The following RNF228 variants were observed in gnomAD, a reference collection of about 807,000 sequenced individuals.
The protein encoded by RNF228 is ring finger protein 228.
the RNF228 span, chr2:222,317,389 G>C: frequency 2.0e-5 from 3 of 152,238 alleles, no homozygotes; most frequent in South Asian, 4.1e-4. Context: ...CTCGATTCAA[G>C]TTCAATTAAT....
At chr2:222,315,275 G>A in the RNF228 span, among the ~76,000 whole-genome samples, 1 of 152,154 alleles carries the variant, frequency 6.6e-6, no homozygotes, top group Non-Finnish European at 1.5e-5. Flanking sequence ...AACTGGTTAA[G>A]GCTTTGCAGA....
At chr2:222,319,233 C>G in the RNF228 span, 1 of 326,548 alleles carries the variant, frequency 3.1e-6, no homozygotes, top group Non-Finnish European at 5.6e-6. The surrounding 1 kb of genome is among the most constrained non-coding windows in gnomAD (Gnocchi z 7.6). Flanking sequence ...CGAGGGCGAC[C>G]CGGTGGCCGG....
At chr2:222,314,751 A>G in the RNF228 span, among the ~76,000 whole-genome samples, 3 of 152,266 alleles carry the variant, frequency 2.0e-5, no homozygotes, top group Non-Finnish European at 4.4e-5. Flanking sequence ...TCTATGAATA[A>G]CGATTTATTA....
At chr2:222,316,428 C>A in the RNF228 span, among the ~76,000 whole-genome samples, 1 of 152,206 alleles carries the variant, frequency 6.6e-6, no homozygotes, top group African/African-American at 2.4e-5. Flanking sequence ...GAAATTTACA[C>A]GTGCAATCTA....
At chr2:222,315,731 C>T in the RNF228 span, among the ~76,000 whole-genome samples, 1 of 152,186 alleles carries the variant, frequency 6.6e-6, no homozygotes, top group Non-Finnish European at 1.5e-5. Context: ...ACACCTCCTG[C>T]CTGCAGATAC....
chr2:222,315,355 TG>T, the RNF228 span, among the ~76,000 whole-genome samples: 1 of 152,134 alleles, frequency 6.6e-6, no homozygotes, highest in African/African-American at 2.4e-5. Flanking sequence ...TGATGAAAAA[TG>T]CAACTGATAA....
At chr2:222,317,707 A>C in the RNF228 span, 1 of 152,218 alleles carries the variant, frequency 6.6e-6, no homozygotes, top group Non-Finnish European at 1.5e-5. Context: ...CAACAATATC[A>C]AACAGCTAAA....
the RNF228 span, among the ~76,000 whole-genome samples, chr2:222,315,252 A>G: frequency 1.2e-4 from 19 of 152,306 alleles, no homozygotes; most frequent in African/African-American, 4.6e-4. Flanking sequence ...TCAGCCACTC[A>G]CTATGTGCCC....
the RNF228 span, among the ~76,000 whole-genome samples, chr2:222,315,079 T>C: frequency 7.2e-4 from 9 of 12,542 alleles, no homozygotes; most frequent in Non-Finnish European, 2.0e-3. Context: ...GCCATAAGTA[T>C]TTTTTTTTTT....
At chr2:222,319,490 T>G in the RNF228 span, 64 of 20,878 alleles carry the variant, frequency 3.1e-3, no homozygotes, top group East Asian at 3.9e-3. This position sits in a 1 kb window ranked among gnomAD's most constrained non-coding sequence, Gnocchi z 7.6. Flanking sequence ...GCGGCTGCGG[T>G]GGGGCGGGGG....
At chr2:222,314,190 G>A in the RNF228 span, among the ~76,000 whole-genome samples, 133 of 151,818 alleles carry the variant, frequency 8.8e-4, no homozygotes, top group African/African-American at 3.1e-3. Context: ...AGAAATTATT[G>A]TGAATTCATC....
the RNF228 span, chr2:222,317,126 C>T: frequency 1.3e-5 from 2 of 152,198 alleles, no homozygotes; most frequent in Non-Finnish European, 2.9e-5. Flanking sequence ...ATTTCTCTCT[C>T]AGCCCCATTT....
the RNF228 span, among the ~76,000 whole-genome samples, chr2:222,315,155 G>A: frequency 2.0e-5 from 3 of 151,760 alleles, no homozygotes; most frequent in Admixed American, 6.6e-5. Context: ...CAGGATCTCA[G>A]GAGTTATGGT....
the RNF228 span, chr2:222,318,605 C>T: frequency 6.6e-6 from 1 of 152,458 alleles, no homozygotes; most frequent in African/African-American, 2.4e-5. Flanking sequence ...ACTCTCAAGT[C>T]CTGGCGGCCA....
the RNF228 span, among the ~76,000 whole-genome samples, chr2:222,316,728 T>A: frequency 2.6e-5 from 4 of 152,240 alleles, no homozygotes; most frequent in Admixed American, 6.5e-5. Context: ...AACATAAACC[T>A]AATACATACA....
the RNF228 span, chr2:222,318,860 G>C: frequency 2.0e-5 from 3 of 151,526 alleles, no homozygotes; most frequent in Admixed American, 2.0e-4. Context: ...CCGAGGGACA[G>C]AAAACCGAGG....
chr2:222,316,863 T>A, the RNF228 span, among the ~76,000 whole-genome samples: 7 of 152,078 alleles, frequency 4.6e-5, no homozygotes, highest in African/African-American at 1.7e-4. Flanking sequence ...ACACAAGACA[T>A]GGGGGTATAA....
the RNF228 span, among the ~76,000 whole-genome samples, chr2:222,315,849 C>A: frequency 6.6e-6 from 1 of 152,286 alleles, no homozygotes; most frequent in African/African-American, 2.4e-5. Context: ...GTTTCTTTCA[C>A]CTGAAATGTA....
At chr2:222,318,714 G>C in the RNF228 span, 3 of 151,880 alleles carry the variant, frequency 2.0e-5, no homozygotes, top group Non-Finnish European at 4.4e-5. Context: ...ACATTCTGAC[G>C]AGGACGAGGG....
Sources: allele counts gnomAD v4.1 joint callset (sites outside exome capture counted in the v4.1 genomes callset), GRCh38; gene constraint gnomAD v4.1.1; non-coding constraint Gnocchi (gnomAD v3.1); transcripts MANE v1.5; gene names NCBI Gene and HGNC (gene_info 2026-07-23, HGNC 2026-07-21).